The following IL20RB variants were observed in gnomAD, a reference collection of about 807,000 sequenced individuals.
The protein encoded by IL20RB is interleukin-20 receptor subunit beta.
In IL20RB, 21 loss-of-function variants were observed where a neutral mutation model predicts 33.3. That is an observed-to-expected ratio of 0.63 (90% CI 0.45 to 0.91). IL20RB has a LOEUF of 0.91. Among genes scored for constraint, IL20RB ranks in the 40% least tolerant of loss-of-function variants. The pLI, the probability that IL20RB is intolerant of heterozygous loss-of-function variation, is 0.00. For synonymous variants in IL20RB, 147 were observed against 146.8 expected (o/e 1.00, Z -0.01); for missense variants, 345 against 384.8 (o/e 0.90, Z 0.86).
At chr3:137,008,170 C>G (rs980017473) in intron 6 of IL20RB, among the ~76,000 whole-genome samples, 4 of 152,038 alleles carry the variant, frequency 2.6e-5, no homozygotes, top group African/African-American at 9.7e-5. Context: ...AAGATGGTCC[C>G]AAATTAGTAA....
chr3:136,997,575 C>CTT (rs541001735), intron 6 of IL20RB, among the ~76,000 whole-genome samples: 27 of 130,650 alleles, frequency 2.1e-4, no homozygotes, highest in South Asian at 4.9e-4. Flanking sequence ...ATCAGTATAT[C>CTT]TTTTTTTTTT....
chr3:136,958,955 G>C (rs926357394), intron 1 of IL20RB, among the ~76,000 whole-genome samples: 5 of 150,986 alleles, frequency 3.3e-5, no homozygotes, highest in Non-Finnish European at 7.4e-5. Context: ...CACTCTCTGT[G>C]TGTGTGTGTG....
chr3:136,998,573 G>C (rs1942181247), intron 6 of IL20RB, among the ~76,000 whole-genome samples: 1 of 151,366 alleles, frequency 6.6e-6, no homozygotes, highest in African/African-American at 2.4e-5. Context: ...TTTTTTATCT[G>C]AAAATGTCTT....
chr3:136,982,366 C>T lies in IL20RB; in HGVS notation c.406+16C>T. ...AGAAACTCAAGTAAGGCACTTCTCT[C>T]CTTACACTCCCACCCCAACCAGCCC... On this transcript the variant is annotated intron_variant, in intron 3 of 6. Coordinates refer to ENST00000329582, the MANE Select transcript of IL20RB (RefSeq NM_144717.4). The T allele has an allele frequency of 6.5e-7, 1 of 1,544,060 alleles. No individual in the cohort carries two copies. Among genetic ancestry groups the T allele is most frequent in the Non-Finnish European group, 8.8e-7 (1 of 1,131,038 alleles).
chr3:137,001,078 C>G (rs1942233745), intron 6 of IL20RB, among the ~76,000 whole-genome samples: 1 of 152,108 alleles, frequency 6.6e-6, no homozygotes, highest in African/African-American at 2.4e-5. Flanking sequence ...TCCTAGGAAT[C>G]CTGATGTATC....
At chr3:137,000,956 C>T (rs1287780629) in intron 6 of IL20RB, among the ~76,000 whole-genome samples, 2 of 152,104 alleles carry the variant, frequency 1.3e-5, no homozygotes, top group Non-Finnish European at 2.9e-5. Flanking sequence ...TTCCCAAGAC[C>T]CAGTGCCTTG....
At chr3:136,977,405 ATCT>A (rs1343624032) in intron 1 of IL20RB, among the ~76,000 whole-genome samples, 4 of 152,202 alleles carry the variant, frequency 2.6e-5, no homozygotes, top group African/African-American at 9.6e-5. Flanking sequence ...ATTTATTTAA[ATCT>A]TCTTTGATTT....
chr3:136,997,229 A>T (rs747087044), intron 6 of IL20RB, among the ~76,000 whole-genome samples: 14 of 151,884 alleles, frequency 9.2e-5, no homozygotes, highest in Non-Finnish European at 2.1e-4. Flanking sequence ...AGTAACTGGG[A>T]TTACAGACGC....
rs1456860617 is a variant in IL20RB, at chr3:136,988,838, A to T, written c.407-603A>T. ...GGCCAACCCTATTCACAGGCTGCTC[A>T]TCTGCTGATATGTGAAAGTTATCAG... On this transcript the variant is annotated intron_variant, in intron 3 of 6. Coordinates refer to ENST00000329582, the MANE Select transcript of IL20RB (RefSeq NM_144717.4). Among the ~76,000 whole-genome samples the T allele has an allele frequency of 1.3e-3, 192 of 152,280 alleles. 2 individuals are homozygous for T. Among genetic ancestry groups the T allele is most frequent in the Non-Finnish European group, 1.3e-4 (9 of 68,030 alleles).
rs1270317977 is a variant in IL20RB at position 136,982,214 on chromosome 3, A to T, written c.270A>T (p.Ser90=). 1 of 1,603,802 alleles carries T rather than the reference A, an allele frequency of 6.2e-7. No individual in the cohort carries two copies. The highest frequency in any genetic ancestry group is 1.3e-5 in the African/African-American group (1 of 74,734). ...TCTGGATCCCCAGCAGCTGGTGCTC[A>T]CTCACTGAAGGTCCTGAGTGTGATG... is the stretch of plus-strand genomic sequence containing the variant. ...SHIWIPSSWC[S]LTEGPECDVT... is the part of the protein sequence containing the mutation. The change falls in exon 3 of 7, where the codon TCA becomes TCT. Residue 90 remains serine (S), a synonymous_variant. Transcript: ENST00000329582.
chr3:136,973,473 G>C (rs1027024594), intron 1 of IL20RB, among the ~76,000 whole-genome samples: 2 of 152,130 alleles, frequency 1.3e-5, no homozygotes, highest in East Asian at 3.9e-4. Flanking sequence ...CTCGTTTTGT[G>C]ACCTAACATA....
rs369355723 is a variant in IL20RB at position 136,958,086 on chromosome 3, A to G, written c.-28A>G. 2 of 1,315,108 alleles carry G rather than the reference A, an allele frequency of 1.5e-6. No individual in the cohort carries two copies. The highest frequency in any genetic ancestry group is 2.2e-6 in the Non-Finnish European group (2 of 910,756). 81.5% of individuals were successfully genotyped at this position (1,315,108 alleles called of 1,614,324 possible). A position where few individuals can be genotyped will look rare whatever the true frequency, so the allele number is the denominator to read the frequency against. ...GAATGCTTTATTTTGGAAAGAAACA[A>G]TGTTCTAGGTCAAACTGAGTCTACC... On this transcript the variant is annotated 5_prime_UTR_variant, in exon 1 of 7. It removes an upstream start codon present in the reference 5' UTR. Coordinates refer to ENST00000329582, the MANE Select transcript of IL20RB (RefSeq NM_144717.4).
chr3:136,966,525 G>C (rs1229668670), intron 1 of IL20RB, among the ~76,000 whole-genome samples: 1 of 90,360 alleles, frequency 1.1e-5, no homozygotes, highest in Admixed American at 1.3e-4. Context: ...TTGTATTTCT[G>C]TGTTATCGGT....
At chr3:136,975,306 GGC>G (rs1427955164) in intron 1 of IL20RB, among the ~76,000 whole-genome samples, 14 of 151,994 alleles carry the variant, frequency 9.2e-5, no homozygotes, top group African/African-American at 3.4e-4. Context: ...GGTGTTCATT[GGC>G]TACAGCATTT....
chr3:137,001,520 C>T (rs1050727173), intron 6 of IL20RB, among the ~76,000 whole-genome samples: 2 of 152,146 alleles, frequency 1.3e-5, no homozygotes, highest in Non-Finnish European at 2.9e-5. Flanking sequence ...ACAGATACTA[C>T]CCCAAACTAT....
intron 1 of IL20RB, among the ~76,000 whole-genome samples, chr3:136,978,967 T>A (rs1560069034): frequency 6.6e-6 from 1 of 152,216 alleles, no homozygotes; most frequent in Non-Finnish European, 1.5e-5. Context: ...ATTGATTTGT[T>A]GACATAATTT....
At position 136,977,335 on chromosome 3, in the gene IL20RB, G is replaced by T. The variant is rs568382086; in HGVS notation, c.89-3131G>T. Among the ~76,000 whole-genome samples, 25 of 152,192 alleles carry T rather than the reference G, an allele frequency of 1.6e-4. No individual in the cohort carries two copies. In the South Asian group the frequency reaches 4.8e-3, roughly 29 times the overall value. ...TTGCATTAAACCTATATACAATTTG[G>T]GGGAGAATTGGCATCTTAACTGTTG... On this transcript the variant is annotated intron_variant, in intron 1 of 6. Transcript: ENST00000329582.
At position 136,991,900 on chromosome 3, in the gene IL20RB, G is replaced by T. The variant is rs372339382; in HGVS notation, c.532-38G>T. 7 of 1,603,728 alleles carry T rather than the reference G, an allele frequency of 4.4e-6. No homozygotes were observed. The Admixed American group carries it at 6.7e-5, about 15-fold the overall frequency. ...GCTGGGATTATAGGCGTGAGCCACCGCACTTGGCCAATAACTGTGTTTTCT... is the reference window on the plus strand; with the variant it reads ...GCTGGGATTATAGGCGTGAGCCACCTCACTTGGCCAATAACTGTGTTTTCT... On this transcript the variant is annotated intron_variant, in intron 4 of 6. Coordinates refer to ENST00000329582, the MANE Select transcript of IL20RB (RefSeq NM_144717.4).
At chr3:136,975,268 G>A (rs1941585530) in intron 1 of IL20RB, among the ~76,000 whole-genome samples, 2 of 152,156 alleles carry the variant, frequency 1.3e-5, no homozygotes, top group Non-Finnish European at 2.9e-5. Flanking sequence ...TTCCATAGGG[G>A]AGGATGTTTT....
Sources: gnomAD v4.1 joint callset for allele counts (sites outside exome capture counted in the v4.1 genomes callset) on GRCh38, gnomAD v4.1.1 for gene constraint, MANE v1.5 for transcripts, NCBI Gene and HGNC (gene_info 2026-07-23, HGNC 2026-07-21) for gene names.